Variants in GRM7 observed in about 807,000 individuals in gnomAD.
GRM7 encodes the protein glutamate metabotropic receptor 7.
In GRM7, 35 loss-of-function variants were observed where a neutral mutation model predicts 84.5. The ratio of observed to expected loss-of-function variants is 0.41; its 90% confidence interval spans 0.32 to 0.55. GRM7 has a LOEUF of 0.55. Ranked by LOEUF, GRM7 falls within the 20% of genes least tolerant of loss-of-function variation. The pLI is 0.19. For synonymous variants in GRM7, 487 were observed against 455.1 expected (o/e 1.07, Z -0.89); for missense variants, 1,003 against 1,194.6 (o/e 0.84, Z 2.36).
chr3:7,353,011 A>G (rs1342082864), intron 4 of GRM7, among the ~76,000 whole-genome samples: 3 of 152,074 alleles, frequency 2.0e-5, no homozygotes, highest in Non-Finnish European at 2.9e-5. Flanking sequence ...AGAAATTTCC[A>G]TCCTATGGCT....
Position 7,215,654 on chromosome 3 carries a change from G to C in GRM7, c.736+68986G>C, listed in dbSNP as rs542141566. The stretch of plus-strand genomic sequence containing the variant: ...CACTCCAGCCTGGGCGACAGAGCGA[G>C]ACTCTGTCTCAAAAAAATAAATAAA... On this transcript the variant is annotated intron_variant, in intron 2 of 9. Transcript: ENST00000357716. Among the ~76,000 whole-genome samples, 466 of 150,602 alleles carry C rather than the reference G, an allele frequency of 3.1e-3. 1 individual carries two copies. Among genetic ancestry groups the C allele is most frequent in the African/African-American group, 0.011 (451 of 41,248 alleles).
chr3:7,478,310 G>C (rs187410583), intron 7 of GRM7, among the ~76,000 whole-genome samples: 3 of 152,062 alleles, frequency 2.0e-5, no homozygotes, highest in Non-Finnish European at 4.4e-5. Context: ...CCCACTGAGC[G>C]CTGGGCTCTG....
At chr3:7,671,014 C>T (rs1166996217) in intron 8 of GRM7, among the ~76,000 whole-genome samples, 2 of 152,124 alleles carry the variant, frequency 1.3e-5, no homozygotes, top group Non-Finnish European at 2.9e-5. Flanking sequence ...GCTCTCAAAC[C>T]AGCAGGAATG....
chr3:7,123,359 C>CTA (rs2125045778), intron 1 of GRM7, among the ~76,000 whole-genome samples: 1 of 152,288 alleles, frequency 6.6e-6, no homozygotes, highest in South Asian at 2.1e-4. Context: ...TGGCTCACGC[C>CTA]TATAATCCCA....
At chr3:7,144,625 G>C (rs1166828570) in intron 1 of GRM7, among the ~76,000 whole-genome samples, 1 of 152,086 alleles carries the variant, frequency 6.6e-6, no homozygotes, top group Non-Finnish European at 1.5e-5. Context: ...CTCTGTTCCA[G>C]GCATCGTGCA....
At chr3:7,590,106 G>A (rs2125062499) in intron 8 of GRM7, among the ~76,000 whole-genome samples, 1 of 152,134 alleles carries the variant, frequency 6.6e-6, no homozygotes, top group African/African-American at 2.4e-5. Context: ...TTTCCTTTTT[G>A]TTCAGAATGT....
chr3:7,397,763 C>T (rs553578148), intron 4 of GRM7, among the ~76,000 whole-genome samples: 63 of 152,110 alleles, frequency 4.1e-4, no homozygotes, highest in African/African-American at 1.3e-3. Flanking sequence ...TCTAAGTAGA[C>T]ACTTGGCAAT....
At chr3:7,719,536 G>A (rs1168646548) in intron 9 of GRM7, among the ~76,000 whole-genome samples, 1 of 152,012 alleles carries the variant, frequency 6.6e-6, no homozygotes, top group Non-Finnish European at 1.5e-5. Flanking sequence ...CCTACAGCTG[G>A]GCGCGGTGGC....
chr3:7,133,744 G>A (rs1693678963), intron 1 of GRM7, among the ~76,000 whole-genome samples: 1 of 152,114 alleles, frequency 6.6e-6, no homozygotes, highest in African/African-American at 2.4e-5. Flanking sequence ...ATATATGGTT[G>A]TCTATAGGGA....
At chr3:7,113,771 G>A (rs1441436646) in intron 1 of GRM7, among the ~76,000 whole-genome samples, 2 of 152,100 alleles carry the variant, frequency 1.3e-5, no homozygotes, top group African/African-American at 4.8e-5. Context: ...CAACTCATGA[G>A]CCATCACCAG....
At chr3:7,368,658 A>G (rs1209963418) in intron 4 of GRM7, among the ~76,000 whole-genome samples, 1 of 152,110 alleles carries the variant, frequency 6.6e-6, no homozygotes, top group Non-Finnish European at 1.5e-5. Flanking sequence ...ATTTAGATCA[A>G]TTTACTTAAA....
At chr3:7,701,556 G>GC (rs1701230941) in intron 9 of GRM7, among the ~76,000 whole-genome samples, 1 of 151,968 alleles carries the variant, frequency 6.6e-6, no homozygotes, top group South Asian at 2.1e-4. Flanking sequence ...ACTCGCCTCG[G>GC]CCCCCCAAAG....
intron 1 of GRM7, among the ~76,000 whole-genome samples, chr3:6,882,883 A>T (rs999966335): frequency 6.6e-6 from 1 of 152,232 alleles, no homozygotes; most frequent in African/African-American, 2.4e-5. Context: ...CAGAAAAATG[A>T]GAAAAACATC....
chr3:7,436,819 A>T (rs776530120), intron 5 of GRM7, among the ~76,000 whole-genome samples: 1 of 152,126 alleles, frequency 6.6e-6, no homozygotes, highest in African/African-American at 2.4e-5. Flanking sequence ...TTGGGCACAC[A>T]TGGGGCTCAC....
At chr3:7,263,825 T>G (rs1698532030) in intron 2 of GRM7, among the ~76,000 whole-genome samples, 1 of 151,846 alleles carries the variant, frequency 6.6e-6, no homozygotes, top group African/African-American at 2.4e-5. Context: ...TGGGGGTTCA[T>G]TCATGCTGGC....
intron 7 of GRM7, among the ~76,000 whole-genome samples, chr3:7,507,382 A>C (rs1219104379): frequency 1.3e-5 from 2 of 152,220 alleles, no homozygotes; most frequent in Admixed American, 6.5e-5. Context: ...GAGAAGTGTA[A>C]ACAGATGGGA....
intron 7 of GRM7, among the ~76,000 whole-genome samples, chr3:7,542,583 C>T (rs552032612): frequency 6.8e-6 from 1 of 146,010 alleles, no homozygotes; most frequent in South Asian, 2.2e-4. Flanking sequence ...GAGTCTCACT[C>T]TGTCGCCAGA....
intron 2 of GRM7, among the ~76,000 whole-genome samples, chr3:7,195,182 G>T (rs944074021): frequency 6.6e-6 from 1 of 152,116 alleles, no homozygotes; most frequent in Non-Finnish European, 1.5e-5. Flanking sequence ...CAAAAGTCTT[G>T]CAGGCATTGC....
At chr3:7,546,438 A>C (rs1414447973) in intron 7 of GRM7, among the ~76,000 whole-genome samples, 2 of 152,220 alleles carry the variant, frequency 1.3e-5, no homozygotes, top group Non-Finnish European at 2.9e-5. Context: ...CCTTGTGTTG[A>C]ATAATTCAAG....
Sources: allele counts gnomAD v4.1 joint callset (sites outside exome capture counted in the v4.1 genomes callset), GRCh38; gene constraint gnomAD v4.1.1; transcripts MANE v1.5; gene names NCBI Gene and HGNC (gene_info 2026-07-23, HGNC 2026-07-21).